Variants in GRID2 observed in about 807,000 individuals in gnomAD.
GRID2 encodes the protein glutamate ionotropic receptor delta type subunit 2.
A neutral mutation model predicts 114.8 loss-of-function variants in GRID2; 33 were observed. The ratio of observed to expected loss-of-function variants is 0.29; its 90% CI spans 0.22 to 0.38. The LOEUF (loss-of-function observed/expected upper bound fraction) is 0.38. GRID2 is among the 10% of genes least tolerant of loss of function. The pLI is 1.00. For missense variants in GRID2, 1,184 were observed against 1,257.7 expected (o/e 0.94, Z 0.89); for synonymous variants, 505 against 449.9 (o/e 1.12, Z -1.55).
intron 2 of GRID2, among the ~76,000 whole-genome samples, chr4:92,970,938 C>T (rs951536469): frequency 1.3e-5 from 2 of 151,046 alleles, no homozygotes; most frequent in African/African-American, 4.9e-5. Flanking sequence ...TATATATATA[C>T]ACACACATTG....
At chr4:92,390,371 A>G (rs926741916) in intron 1 of GRID2, among the ~76,000 whole-genome samples, 3 of 152,266 alleles carry the variant, frequency 2.0e-5, no homozygotes, top group African/African-American at 7.2e-5. Context: ...CAAATTTATC[A>G]ATTAGAATTT....
At chr4:93,197,406 T>C (rs886779506) in intron 4 of GRID2, among the ~76,000 whole-genome samples, 10 of 152,166 alleles carry the variant, frequency 6.6e-5, no homozygotes, top group Non-Finnish European at 1.5e-4. Flanking sequence ...AGTGTTTGCA[T>C]GATAAGGATG....
chr4:93,741,273 G>A lies in GRID2; in HGVS notation c.2361-27937G>A, dbSNP rs577725545. 1.1e-4 allele frequency among the ~76,000 whole-genome samples: 16 copies of A among 146,428 alleles called. No individual in the cohort carries two copies. In the East Asian group the frequency reaches 3.0e-3, roughly 27 times the overall value. On this transcript the variant is annotated intron_variant, in intron 14 of 15. Transcript: ENST00000282020. ...AATGGACCAAGATACAGACCCAGGAGCCTGTATTTTTTAAATGCTCCTCAT... is the reference window on the plus strand; with the variant it reads ...AATGGACCAAGATACAGACCCAGGAACCTGTATTTTTTAAATGCTCCTCAT...
chr4:93,474,003 T>C (rs962518613), intron 11 of GRID2, among the ~76,000 whole-genome samples: 4 of 152,142 alleles, frequency 2.6e-5, no homozygotes, highest in Non-Finnish European at 5.9e-5. Flanking sequence ...GCATGTACAA[T>C]TTATACATTG....
At chr4:93,556,015 G>A (rs566129321) in intron 13 of GRID2, among the ~76,000 whole-genome samples, 4 of 152,282 alleles carry the variant, frequency 2.6e-5, no homozygotes, top group East Asian at 1.9e-4. Flanking sequence ...CAGCAGAAGG[G>A]CCTGACTGTT....
At chr4:93,493,626 T>A (rs1461301657) in intron 12 of GRID2, among the ~76,000 whole-genome samples, 1 of 151,634 alleles carries the variant, frequency 6.6e-6, no homozygotes, top group Non-Finnish European at 1.5e-5. Flanking sequence ...GACTTTGTGG[T>A]GTCTGTAAAT....
intron 14 of GRID2, among the ~76,000 whole-genome samples, chr4:93,718,850 C>G (rs1729121934): frequency 6.6e-6 from 1 of 152,148 alleles, no homozygotes; most frequent in East Asian, 1.9e-4. Context: ...CATCCAAGAA[C>G]ATTCTTTCTC....
At chr4:92,445,885 C>T (rs899944387) in intron 1 of GRID2, among the ~76,000 whole-genome samples, 1 of 152,190 alleles carries the variant, frequency 6.6e-6, no homozygotes, top group Non-Finnish European at 1.5e-5. Context: ...ACTGTGAACA[C>T]ATTTTTAATT....
At chr4:92,367,809 T>C (rs560311140) in intron 1 of GRID2, among the ~76,000 whole-genome samples, 30 of 152,220 alleles carry the variant, frequency 2.0e-4, no homozygotes, top group African/African-American at 6.7e-4. Context: ...TGTTAACTAC[T>C]AGCATCATTA....
At chr4:92,952,369 G>A (rs566866819) in intron 2 of GRID2, among the ~76,000 whole-genome samples, 4 of 152,186 alleles carry the variant, frequency 2.6e-5, no homozygotes, top group South Asian at 2.1e-4. Context: ...ATTCATTGAG[G>A]ATAATAGATC....
chr4:92,761,378 T>C (rs1738004777), intron 2 of GRID2, among the ~76,000 whole-genome samples: 1 of 152,194 alleles, frequency 6.6e-6, no homozygotes, highest in South Asian at 2.1e-4. Context: ...TGTTACCAAA[T>C]TTCAGTTCTG....
chr4:93,420,964 A>G (rs1400580459), intron 9 of GRID2, among the ~76,000 whole-genome samples: 1 of 152,096 alleles, frequency 6.6e-6, no homozygotes, highest in Non-Finnish European at 1.5e-5. Context: ...CATGTTAGCC[A>G]GGATGGTCTC....
chr4:92,747,936 C>T (rs1233815865), intron 2 of GRID2, among the ~76,000 whole-genome samples: 2 of 152,072 alleles, frequency 1.3e-5, no homozygotes, highest in Admixed American at 1.3e-4. Context: ...TAATGAAGTC[C>T]CTATACTAGA....
chr4:93,309,855 G>A (rs897124284), intron 8 of GRID2, among the ~76,000 whole-genome samples: 3 of 152,100 alleles, frequency 2.0e-5, no homozygotes, highest in Non-Finnish European at 4.4e-5. Flanking sequence ...CCCCTTATGA[G>A]GAAGAGAATT....
Position 92,563,695 on chromosome 4 carries a change from A to C in GRID2, c.89-26436A>C, listed in dbSNP as rs1727207888. On this transcript the variant is annotated intron_variant, in intron 1 of 15. Transcript: ENST00000282020. The stretch of plus-strand genomic sequence containing the variant: ...ACTAATGAGGGAAGCCAGTCAACTC[A>C]GATCATTTTTTATTTCTGAGATTTA... 3.3e-5 allele frequency among the ~76,000 whole-genome samples: 5 copies of C among 152,194 alleles called. No individual in the cohort carries two copies. The South Asian group carries it at 6.2e-4, about 19-fold the overall frequency.
chr4:92,998,075 C>T (rs934741733), intron 2 of GRID2, among the ~76,000 whole-genome samples: 2 of 151,930 alleles, frequency 1.3e-5, no homozygotes, highest in Non-Finnish European at 2.9e-5. Context: ...TCCCCTGAAC[C>T]AATCCTATGG....
chr4:93,321,811 T>G (rs1159764776), intron 8 of GRID2, among the ~76,000 whole-genome samples: 1 of 151,956 alleles, frequency 6.6e-6, no homozygotes, highest in African/African-American at 2.4e-5. Flanking sequence ...TTAACTCAGT[T>G]CTACAATTGA....
chr4:92,926,067 A>C (rs1749786517), intron 2 of GRID2, among the ~76,000 whole-genome samples: 1 of 152,006 alleles, frequency 6.6e-6, no homozygotes, highest in Non-Finnish European at 1.5e-5. Context: ...TTGAACAAGG[A>C]AAATAAGGTT....
At chr4:92,520,728 C>G (rs1249571666) in intron 1 of GRID2, among the ~76,000 whole-genome samples, 1 of 151,870 alleles carries the variant, frequency 6.6e-6, no homozygotes, top group Non-Finnish European at 1.5e-5. Context: ...TGACTCTTTT[C>G]CCTGATGGCT....
Sources: allele counts gnomAD v4.1 joint callset (sites outside exome capture counted in the v4.1 genomes callset), GRCh38; gene constraint gnomAD v4.1.1; transcripts MANE v1.5; gene names NCBI Gene and HGNC (gene_info 2026-07-23, HGNC 2026-07-21).